The following C1orf21 variants were observed in gnomAD, a reference collection of about 807,000 sequenced individuals.
The protein encoded by C1orf21 is uncharacterized protein C1orf21.
In C1orf21, 3 loss-of-function variants were observed where a neutral mutation model predicts 18.7. That is an observed-to-expected ratio of 0.16 (90% CI 0.07 to 0.42). C1orf21 has a LOEUF of 0.42. Ranked by LOEUF, C1orf21 falls within the 10% of genes least tolerant of loss-of-function variation. The pLI is 0.99. For synonymous variants in C1orf21, 41 were observed against 46.4 expected (o/e 0.88, Z 0.47); for missense variants, 104 against 143.6 (o/e 0.72, Z 1.41).
At chr1:184,603,158 G>A (rs1659606968) in intron 5 of C1orf21, among the ~76,000 whole-genome samples, 1 of 152,202 alleles carries the variant, frequency 6.6e-6, no homozygotes, top group African/African-American at 2.4e-5. Context: ...GTATTTTGCT[G>A]GTGTGCTTCC....
At chr1:184,486,675 A>G (rs1411947364) in intron 2 of C1orf21, among the ~76,000 whole-genome samples, 1 of 152,256 alleles carries the variant, frequency 6.6e-6, no homozygotes, top group Non-Finnish European at 1.5e-5. Flanking sequence ...CAGAAAGTTA[A>G]GAAATGCTCT....
intron 3 of C1orf21, among the ~76,000 whole-genome samples, chr1:184,578,995 A>T (rs1227817919): frequency 3.4e-5 from 1 of 29,504 alleles, no homozygotes; most frequent in East Asian, 1.1e-3. Context: ...GTGAAGGTTA[A>T]AAAAAAAAAA....
In C1orf21 at chr1:184,620,279, T is replaced by G. The variant is rs1659896922; in HGVS notation, c.*723T>G. The G allele has an allele frequency of 6.6e-6, 1 of 152,590 alleles. No individual in the cohort carries two copies. The highest frequency in any genetic ancestry group is 2.4e-5 in the African/African-American group (1 of 41,430). The allele number at this position is 152,590 out of a possible 1,614,324, so 9.5% of individuals were successfully genotyped here. ...GATCACAATCATTTTGAATCCCTCT[T>G]CCTCACTTTTTTTTCTAAGAAAATA... On this transcript the variant is annotated 3_prime_UTR_variant, in exon 6 of 6. Coordinates refer to ENST00000235307, the MANE Select transcript of C1orf21 (RefSeq NM_030806.4).
At chr1:184,497,260 A>G (rs1657906622) in intron 2 of C1orf21, among the ~76,000 whole-genome samples, 1 of 152,212 alleles carries the variant, frequency 6.6e-6, no homozygotes, top group South Asian at 2.1e-4. Flanking sequence ...GCTATCATGG[A>G]GCATGCGTTT....
At chr1:184,501,636 G>GTGTT (rs1377096888) in intron 2 of C1orf21, among the ~76,000 whole-genome samples, 1 of 152,230 alleles carries the variant, frequency 6.6e-6, no homozygotes, top group Non-Finnish European at 1.5e-5. Context: ...CCAGGGCTGA[G>GTGTT]TGTTGTCTCT....
intron 1 of C1orf21, chr1:184,408,248 A>T (rs758175901): frequency 2.6e-5 from 4 of 152,360 alleles, no homozygotes; most frequent in Non-Finnish European, 4.4e-5. Context: ...ACTTGGTAAA[A>T]CATTAAAATT....
chr1:184,432,839 G>C (rs1490950278), intron 1 of C1orf21, among the ~76,000 whole-genome samples: 1 of 152,082 alleles, frequency 6.6e-6, no homozygotes, highest in Non-Finnish European at 1.5e-5. Flanking sequence ...CTTTGTTTTT[G>C]CTGTCTTTAT....
At chr1:184,612,569 T>TA (rs1453052694) in intron 5 of C1orf21, among the ~76,000 whole-genome samples, 1 of 151,974 alleles carries the variant, frequency 6.6e-6, no homozygotes, top group Non-Finnish European at 1.5e-5. Context: ...CTGCTAAAAA[T>TA]ACAAAAATTA....
chr1:184,608,580 G>A (rs1237383333), intron 5 of C1orf21, among the ~76,000 whole-genome samples: 1 of 152,222 alleles, frequency 6.6e-6, no homozygotes, highest in Non-Finnish European at 1.5e-5. Context: ...TTAGCCAAAT[G>A]TGTGACAACC....
chr1:184,586,960 T>C (rs796722568), intron 3 of C1orf21, among the ~76,000 whole-genome samples: 1 of 152,234 alleles, frequency 6.6e-6, no homozygotes, highest in Non-Finnish European at 1.5e-5. Flanking sequence ...AATTTTTGTA[T>C]ATCGTGTAAG....
chr1:184,466,369 A>G (rs1316338301), intron 1 of C1orf21, among the ~76,000 whole-genome samples: 2 of 152,236 alleles, frequency 1.3e-5, no homozygotes, highest in Non-Finnish European at 2.9e-5. Flanking sequence ...ATACTGGTAC[A>G]TGAGAAGGGA....
rs1468766123 is a variant in C1orf21 at position 184,429,393 on chromosome 1, C to A, written c.-125+42025C>A. 3.9e-5 allele frequency among the ~76,000 whole-genome samples: 6 copies of A among 152,146 alleles called. No homozygotes were observed. In the East Asian group the frequency reaches 7.7e-4, roughly 20 times the overall value. On this transcript the variant is annotated intron_variant, in intron 1 of 5. Transcript: ENST00000235307. ...TGTAAATTATGTCGTTTGCAAATGA[C>A]ATAATTTTTTTCTTAAGAAAAAGAA...
chr1:184,491,206 T>A (rs1357841456), intron 2 of C1orf21, among the ~76,000 whole-genome samples: 1 of 152,200 alleles, frequency 6.6e-6, no homozygotes, highest in Non-Finnish European at 1.5e-5. Flanking sequence ...AACAGCACAT[T>A]TTCATCTTTA....
chr1:184,527,525 C>T (rs1303257904), intron 3 of C1orf21, among the ~76,000 whole-genome samples: 1 of 152,062 alleles, frequency 6.6e-6, no homozygotes, highest in Admixed American at 6.6e-5. Flanking sequence ...TGAGGAACAG[C>T]GGGAGCAGAG....
chr1:184,422,067 G>A (rs1490314844), intron 1 of C1orf21, among the ~76,000 whole-genome samples: 1 of 152,196 alleles, frequency 6.6e-6, no homozygotes, highest in Non-Finnish European at 1.5e-5. Flanking sequence ...GAGCATTCTT[G>A]GAAGAAGTCC....
At chr1:184,401,694 A>G (rs1046748696) in intron 1 of C1orf21, among the ~76,000 whole-genome samples, 7 of 151,898 alleles carry the variant, frequency 4.6e-5, no homozygotes, top group Non-Finnish European at 8.8e-5. Context: ...TCATTGTTGG[A>G]AAAAATTTCC....
chr1:184,466,513 C>T (rs1657400523), intron 1 of C1orf21, among the ~76,000 whole-genome samples: 1 of 152,132 alleles, frequency 6.6e-6, no homozygotes. Flanking sequence ...ATGAAGTTCC[C>T]AAAAGTCTTG....
chr1:184,496,982 G>A (rs1657903327), intron 2 of C1orf21, among the ~76,000 whole-genome samples: 2 of 152,140 alleles, frequency 1.3e-5, no homozygotes, highest in South Asian at 2.1e-4. Flanking sequence ...GAGGGTGAGG[G>A]TCCATGAGGA....
intron 1 of C1orf21, among the ~76,000 whole-genome samples, chr1:184,469,586 A>C (rs1214139925): frequency 6.6e-6 from 1 of 152,204 alleles, no homozygotes; most frequent in Admixed American, 6.5e-5. Flanking sequence ...TTTCTGAGAG[A>C]TTAATCCAGC....
Sources: allele counts gnomAD v4.1 joint callset (sites outside exome capture counted in the v4.1 genomes callset), GRCh38; gene constraint gnomAD v4.1.1; transcripts MANE v1.5; gene names NCBI Gene and HGNC (gene_info 2026-07-23, HGNC 2026-07-21).